SPON1: variants seen among roughly 807,000 people sequenced by gnomAD.
SPON1 encodes spondin 1, also known as spondin-1.
SPON1 carries 52 observed loss-of-function variants against 111.7 expected under a neutral mutation model. The observed-to-expected ratio is 0.47, with a 90% confidence interval of 0.37 to 0.59. The LOEUF (loss-of-function observed/expected upper bound fraction) is 0.59. Ranked by LOEUF, SPON1 falls within the 20% of genes least tolerant of loss-of-function variation. The pLI, the probability that SPON1 is intolerant of heterozygous loss-of-function variation, is 0.00. For missense variants in SPON1, 957 were observed against 1,068.5 expected (o/e 0.90, Z 1.46); for synonymous variants, 410 against 395.8 (o/e 1.04, Z -0.43).
chr11:14,053,131 T>C (rs781904204), intron 3 of SPON1, among the ~76,000 whole-genome samples: 20 of 152,226 alleles, frequency 1.3e-4, no homozygotes, highest in Admixed American at 4.6e-4. Flanking sequence ...CTATGAACAT[T>C]TTTATAATTG....
At position 13,962,798 on chromosome 11, in the gene SPON1, C is replaced by T. The variant is rs1231884662; in HGVS notation, c.-107C>T. ...GTCGCGGACGCCAGCTCCGAGCTCC[C>T]TCTCTCCGCCGCGCCTCCGCCAGGT... is the stretch of plus-strand genomic sequence containing the variant. On this transcript the variant is annotated 5_prime_UTR_variant, in exon 1 of 16. Transcript: ENST00000576479. 4.6e-6 allele frequency: 5 copies of T among 1,096,100 alleles called. No individual in the cohort carries two copies. In the African/African-American group the frequency reaches 6.7e-5, roughly 15 times the overall value. The allele number at this position is 1,096,100 out of a possible 1,614,324, so 67.9% of individuals were successfully genotyped here. A position where few individuals can be genotyped will look rare whatever the true frequency, so the allele number is the denominator to read the frequency against.
chr11:14,056,226 T>C (rs1383466992), intron 3 of SPON1, among the ~76,000 whole-genome samples: 1 of 152,146 alleles, frequency 6.6e-6, no homozygotes, highest in Non-Finnish European at 1.5e-5. Context: ...AATGAGTTAG[T>C]GCATGTAAAA....
Position 14,259,329 on chromosome 11 carries a change from C to T in SPON1, c.1542C>T (p.Ser514=), listed in dbSNP as rs1591430158. 6.2e-7 allele frequency: 1 copy of T among 1,613,194 alleles called. No homozygotes were observed. Among genetic ancestry groups the T allele is most frequent in the African/African-American group, 1.3e-5 (1 of 75,040 alleles). ...MSEWITWSPC[S]ISCGMGMRSR... ...AGTGGATCACCTGGTCGCCCTGCAG[C>T]ATCTCCTGCGGCATGGGCATGAGGT... The change falls in exon 12 of 16, where the codon AGC becomes AGT. Residue 514 remains serine, a synonymous_variant. Coordinates refer to ENST00000576479, the MANE Select transcript of SPON1 (RefSeq NM_006108.4). This position sits in a 1 kb window ranked among gnomAD's most constrained non-coding sequence, Gnocchi z 5.0.
intron 6 of SPON1, among the ~76,000 whole-genome samples, chr11:14,156,275 G>A (rs1847844992): frequency 6.9e-6 from 1 of 145,620 alleles, no homozygotes. Context: ...TGTGTTTTTT[G>A]GCTGCATAAA....
At chr11:14,195,509 C>T (rs149391256) in intron 6 of SPON1, among the ~76,000 whole-genome samples, 33 of 152,240 alleles carry the variant, frequency 2.2e-4, no homozygotes, top group Non-Finnish European at 2.1e-4. Context: ...CTTACAGTGC[C>T]GGTCAAATTA....
chr11:13,994,285 T>C (rs1848253740), intron 2 of SPON1, among the ~76,000 whole-genome samples: 1 of 152,240 alleles, frequency 6.6e-6, no homozygotes, highest in Non-Finnish European at 1.5e-5. Context: ...CCATTCACTA[T>C]TATAAATAAT....
chr11:14,144,753 C>A (rs1410179235), intron 6 of SPON1, among the ~76,000 whole-genome samples: 1 of 152,048 alleles, frequency 6.6e-6, no homozygotes, highest in Non-Finnish European at 1.5e-5. Flanking sequence ...GAACTTTTAG[C>A]AGTATACTTT....
intron 3 of SPON1, among the ~76,000 whole-genome samples, chr11:14,053,505 C>A (rs1222045841): frequency 6.6e-6 from 1 of 152,140 alleles, no homozygotes; most frequent in East Asian, 1.9e-4. Context: ...CTGAATAATT[C>A]CCCATTGTAT....
chr11:14,251,950 C>T (rs563142641), intron 7 of SPON1, among the ~76,000 whole-genome samples: 1 of 152,314 alleles, frequency 6.6e-6, no homozygotes, highest in African/African-American at 2.4e-5. Flanking sequence ...GATGTCATTG[C>T]AATACTTTAG....
At chr11:13,970,261 C>T (rs1335200650) in intron 1 of SPON1, among the ~76,000 whole-genome samples, 4 of 152,168 alleles carry the variant, frequency 2.6e-5, no homozygotes, top group African/African-American at 9.7e-5. Context: ...AGTGAGACCA[C>T]TAGAAGTCCT....
chr11:14,064,985 A>G lies in SPON1; in HGVS notation c.480-10360A>G, dbSNP rs78267539. On this transcript the variant is annotated intron_variant, in intron 3 of 15. Transcript: ENST00000576479. ...TGCACATGCTTACAATTTTGCATATACTTTCCATACAGTTTTTTCAGGGGT... is the reference window on the plus strand; with the variant it reads ...TGCACATGCTTACAATTTTGCATATGCTTTCCATACAGTTTTTTCAGGGGT... 6.3e-3 allele frequency among the ~76,000 whole-genome samples: 963 copies of G among 152,202 alleles called. 11 individuals carry two copies. Among genetic ancestry groups the G allele is most frequent in the African/African-American group, 0.022 (925 of 41,520 alleles).
At position 14,025,853 on chromosome 11, in the gene SPON1, G is replaced by A. The variant is rs114057870; in HGVS notation, c.346-15668G>A. 5.5e-3 allele frequency among the ~76,000 whole-genome samples: 840 copies of A among 152,222 alleles called. 7 individuals are homozygous for A. The highest frequency in any genetic ancestry group is 0.019 in the African/African-American group (769 of 41,528). ...TGAGGGTAAAAGGGGTAACAGAGGTGGACCATAGTCCGTGGTCAGAGACAA... is the reference window on the plus strand; with the variant it reads ...TGAGGGTAAAAGGGGTAACAGAGGTAGACCATAGTCCGTGGTCAGAGACAA... On this transcript the variant is annotated intron_variant, in intron 2 of 15. Coordinates refer to ENST00000576479, the MANE Select transcript of SPON1 (RefSeq NM_006108.4).
chr11:14,254,387 G>A, intron 7 of SPON1, 141 bp from the exon 8 acceptor site: 1 of 749,600 alleles, frequency 1.3e-6, no homozygotes, highest in East Asian at 2.7e-5. Context: ...ACCCACAGTG[G>A]CCAAAGGCAG....
chr11:14,067,714 T>C (rs782322201), intron 3 of SPON1, among the ~76,000 whole-genome samples: 4 of 152,098 alleles, frequency 2.6e-5, no homozygotes, highest in Non-Finnish European at 4.4e-5. Context: ...CACATGTGGG[T>C]CACATGTCCT....
chr11:14,258,549 A>C (rs1564943377), intron 11 of SPON1, among the ~76,000 whole-genome samples: 1 of 152,236 alleles, frequency 6.6e-6, no homozygotes, highest in Non-Finnish European at 1.5e-5. Flanking sequence ...CTGATCTTAT[A>C]GGATGCCATA....
At position 14,156,086 on chromosome 11, in the gene SPON1, T is replaced by C. The variant is rs1345916113; in HGVS notation, c.825+20518T>C. Among the ~76,000 whole-genome samples, 22 of 123,072 alleles carry C rather than the reference T, an allele frequency of 1.8e-4. 6 individuals carry two copies. The highest frequency in any genetic ancestry group is 5.7e-4 in the African/African-American group (20 of 34,896). 80.7% of individuals were successfully genotyped at this position (123,072 alleles called of 152,430 possible). On this transcript the variant is annotated intron_variant, in intron 6 of 15. Coordinates refer to ENST00000576479, the MANE Select transcript of SPON1 (RefSeq NM_006108.4). ...ATCACCACACTGACTTCCACAATGG[T>C]TGAACTAGTTTACAGTCCCACCAAC...
chr11:13,981,791 C>T (rs1382481540), intron 1 of SPON1, among the ~76,000 whole-genome samples: 1 of 152,154 alleles, frequency 6.6e-6, no homozygotes, highest in Non-Finnish European at 1.5e-5. Flanking sequence ...GGTGATTTTC[C>T]GTGGGGTTGT....
rs66888680 is a variant in SPON1, at chr11:14,147,751, CT to C, written c.825+12196del. Among the ~76,000 whole-genome samples, 500 of 145,460 alleles carry C rather than the reference CT, an allele frequency of 3.4e-3. 1 individual carries two copies. The highest frequency in any genetic ancestry group is 8.1e-3 in the African/African-American group (322 of 39,656). On this transcript the variant is annotated intron_variant, in intron 6 of 15. Coordinates refer to ENST00000576479, the MANE Select transcript of SPON1 (RefSeq NM_006108.4). ...TTTTAAGTAGTGGAAAATACTAAGA[CT>C]TTTTTTTTTTTTGAGAGGAGTCTCG... is the stretch of plus-strand genomic sequence containing the variant.
chr11:14,161,404 C>T (rs1269715001), intron 6 of SPON1, among the ~76,000 whole-genome samples: 2 of 149,048 alleles, frequency 1.3e-5, no homozygotes, highest in Non-Finnish European at 1.5e-5. Context: ...CTGCAAACTC[C>T]ACCTCCCAGG....
Sources: gnomAD v4.1 joint callset for allele counts (sites outside exome capture counted in the v4.1 genomes callset) on GRCh38, gnomAD v4.1.1 for gene constraint, Gnocchi (gnomAD v3.1) non-coding constraint, MANE v1.5 for transcripts, NCBI Gene and HGNC (gene_info 2026-07-23, HGNC 2026-07-21) for gene names.